Variants in PDE7B observed in about 807,000 individuals in gnomAD.
PDE7B encodes the protein phosphodiesterase 7B, also known as 3',5'-cyclic-AMP phosphodiesterase 7B.
PDE7B carries 29 observed loss-of-function variants against 56.2 expected under a neutral mutation model. That is an observed-to-expected ratio of 0.52 (90% CI 0.38 to 0.70). The LOEUF (loss-of-function observed/expected upper bound fraction) is 0.70. Ranked by LOEUF, PDE7B falls within the 30% of genes least tolerant of loss-of-function variation. PDE7B has a pLI of 0.00. For synonymous variants in PDE7B, 197 were observed against 196.9 expected (o/e 1.00, Z 0.00); for missense variants, 490 against 565.0 (o/e 0.87, Z 1.35).
chr6:136,015,910 C>T (rs1249006122), intron 2 of PDE7B, among the ~76,000 whole-genome samples: 4 of 152,094 alleles, frequency 2.6e-5, no homozygotes, highest in South Asian at 2.1e-4. Context: ...CAAGGATCTA[C>T]GAGAACATCT....
At chr6:136,117,238 G>A (rs1423540752) in intron 3 of PDE7B, 1 of 152,180 alleles carries the variant, frequency 6.6e-6, no homozygotes, top group Non-Finnish European at 1.5e-5. Flanking sequence ...AGTTACCTAT[G>A]AGTCACTGAG....
At chr6:135,861,765 CCTT>C (rs2128184721) in intron 1 of PDE7B, among the ~76,000 whole-genome samples, 4 of 151,712 alleles carry the variant, frequency 2.6e-5, no homozygotes, top group African/African-American at 9.6e-5. Context: ...CATAATGTAT[CCTT>C]CTATTTATTT....
At chr6:136,001,994 C>T (rs1016186058) in intron 2 of PDE7B, among the ~76,000 whole-genome samples, 14 of 152,104 alleles carry the variant, frequency 9.2e-5, no homozygotes, top group Non-Finnish European at 1.6e-4. Context: ...AGACTAACAG[C>T]GGATCTCTCG....
At chr6:136,123,418 CAACA>C (rs2128443641) in intron 3 of PDE7B, among the ~76,000 whole-genome samples, 2 of 152,290 alleles carry the variant, frequency 1.3e-5, no homozygotes, top group South Asian at 4.1e-4. Context: ...TCCAAAATGT[CAACA>C]GTGTTCTTCA....
rs185109094 is a variant in PDE7B, at chr6:135,946,130, C to T, written c.22-1334C>T. Among the ~76,000 whole-genome samples, 1,318 of 151,908 alleles carry T rather than the reference C, an allele frequency of 8.7e-3. 23 individuals carry two copies. Among genetic ancestry groups the T allele is most frequent in the African/African-American group, 0.03 (1,232 of 41,438 alleles). Reference sequence around the variant, plus strand: ...AATATGTACTATTTTCAGATATTTTCAACTTCATAAAATATGGACAATTGT... The same window carrying T: ...AATATGTACTATTTTCAGATATTTTTAACTTCATAAAATATGGACAATTGT... On this transcript the variant is annotated intron_variant, in intron 1 of 12. Transcript: ENST00000308191.
At chr6:135,933,925 C>T (rs1432538136) in intron 1 of PDE7B, among the ~76,000 whole-genome samples, 1 of 152,108 alleles carries the variant, frequency 6.6e-6, no homozygotes, top group East Asian at 1.9e-4. Context: ...AAATATGCCC[C>T]TGGTCAGTCT....
chr6:135,938,561 A>G lies in PDE7B; in HGVS notation c.22-8903A>G, dbSNP rs114111296. Reference sequence around the variant, plus strand: ...CCATGCCATAAGCCTTCACAGGTACAGGTTTTTCTAAAATGGAGCTTGTGC... The same window carrying G: ...CCATGCCATAAGCCTTCACAGGTACGGGTTTTTCTAAAATGGAGCTTGTGC... On this transcript the variant is annotated intron_variant, in intron 1 of 12. Transcript: ENST00000308191. Among the ~76,000 whole-genome samples the G allele has an allele frequency of 4.1e-3, 625 of 152,322 alleles. 3 individuals are homozygous for G. Among genetic ancestry groups the G allele is most frequent in the African/African-American group, 0.014 (590 of 41,582 alleles).
At chr6:136,052,639 C>T (rs952866456) in intron 2 of PDE7B, among the ~76,000 whole-genome samples, 1 of 145,228 alleles carries the variant, frequency 6.9e-6, no homozygotes, top group East Asian at 2.0e-4. Flanking sequence ...CCACAGCATG[C>T]CGAACACATG....
At chr6:135,974,509 C>A (rs764972497) in intron 2 of PDE7B, among the ~76,000 whole-genome samples, 1 of 152,110 alleles carries the variant, frequency 6.6e-6, no homozygotes, top group Non-Finnish European at 1.5e-5. Flanking sequence ...CTAGATGTAG[C>A]AATTTCTGGT....
intron 12 of PDE7B, among the ~76,000 whole-genome samples, chr6:136,190,985 C>T (rs1267190637): frequency 2.0e-5 from 3 of 147,418 alleles, no homozygotes; most frequent in Non-Finnish European, 4.4e-5. Flanking sequence ...ATCCCTTCTC[C>T]GCCTGCCTTC....
chr6:136,057,406 T>C (rs564544452), intron 2 of PDE7B, among the ~76,000 whole-genome samples: 5 of 152,312 alleles, frequency 3.3e-5, no homozygotes, highest in Non-Finnish European at 7.4e-5. Context: ...AATCAAACTC[T>C]CACCCATTAT....
intron 3 of PDE7B, among the ~76,000 whole-genome samples, chr6:136,136,797 G>A (rs889268973): frequency 8.6e-5 from 13 of 151,092 alleles, no homozygotes; most frequent in African/African-American, 3.2e-4. Context: ...AGTGGCAAGA[G>A]GGCCTGGACC....
intron 2 of PDE7B, among the ~76,000 whole-genome samples, chr6:135,969,847 C>T (rs1223529980): frequency 3.3e-5 from 5 of 152,030 alleles, no homozygotes; most frequent in African/African-American, 1.2e-4. Context: ...AAAAGGACCC[C>T]ATGGCTATTC....
chr6:135,902,119 T>G (rs1488448668), intron 1 of PDE7B, among the ~76,000 whole-genome samples: 1 of 152,224 alleles, frequency 6.6e-6, no homozygotes, highest in African/African-American at 2.4e-5. Flanking sequence ...AATTTTATAG[T>G]TGTTCATTTG....
intron 3 of PDE7B, among the ~76,000 whole-genome samples, chr6:136,123,229 C>T (rs902141374): frequency 1.2e-4 from 18 of 152,172 alleles, no homozygotes; most frequent in South Asian, 6.2e-4. Context: ...TGTGATGACG[C>T]GTGCCTGTAG....
Position 135,886,412 on chromosome 6 carries a change from G to C in PDE7B, c.21+34393G>C, listed in dbSNP as rs1775710570. 2.6e-5 allele frequency among the ~76,000 whole-genome samples: 4 copies of C among 151,980 alleles called. No individual in the cohort carries two copies. The South Asian group carries it at 8.3e-4, about 32-fold the overall frequency. ...TTCAGTAGTTTTTTGGGTATAAGTG[G>C]TTTTTGGTTACATGGATAAGTTCTT... On this transcript the variant is annotated intron_variant, in intron 1 of 12. Coordinates refer to ENST00000308191, the MANE Select transcript of PDE7B (RefSeq NM_018945.4).
At chr6:135,988,918 C>A (rs570173243) in intron 2 of PDE7B, among the ~76,000 whole-genome samples, 2 of 152,046 alleles carry the variant, frequency 1.3e-5, no homozygotes, top group Admixed American at 6.6e-5. Context: ...TAATCTCAAT[C>A]GAAAATAAAA....
intron 2 of PDE7B, among the ~76,000 whole-genome samples, chr6:136,008,541 T>C (rs1164694266): frequency 6.6e-6 from 1 of 152,180 alleles, no homozygotes; most frequent in African/African-American, 2.4e-5. Context: ...TAGTGTGAGA[T>C]GGTATCTCAT....
At chr6:135,989,120 C>T (rs1051177471) in intron 2 of PDE7B, among the ~76,000 whole-genome samples, 1 of 152,052 alleles carries the variant, frequency 6.6e-6, no homozygotes, top group Admixed American at 6.6e-5. Flanking sequence ...AAATTAAGTT[C>T]TATGTAATTA....
Sources: allele counts gnomAD v4.1 joint callset (sites outside exome capture counted in the v4.1 genomes callset), GRCh38; gene constraint gnomAD v4.1.1; transcripts MANE v1.5; gene names NCBI Gene and HGNC (gene_info 2026-07-23, HGNC 2026-07-21).